PCDHA2: variants seen among roughly 807,000 people sequenced by gnomAD.
PCDHA2 encodes protocadherin alpha 2.
PCDHA2 carries 58 observed loss-of-function variants against 66.0 expected under a neutral mutation model. That is an observed-to-expected ratio of 0.88 (90% CI 0.71 to 1.09). PCDHA2 has a LOEUF of 1.09. Among genes scored for constraint, PCDHA2 ranks in the 50% least tolerant of loss-of-function variants. PCDHA2 has a pLI of 0.00. For synonymous variants in PCDHA2, 634 were observed against 554.0 expected, an observed-to-expected ratio of 1.14 and a Z score of -2.03; for missense variants, 1,267 against 1,242.3, an observed-to-expected ratio of 1.02 and a Z score of -0.30.
chr5:140,965,374 G>A (rs1554227648), intron 1 of PCDHA2, among the ~76,000 whole-genome samples: 1 of 152,098 alleles, frequency 6.6e-6, no homozygotes, highest in Admixed American at 6.6e-5. Flanking sequence ...AGGAAACTTG[G>A]GGACACAGAA....
At chr5:140,846,889 C>A (rs1378591011) in intron 1 of PCDHA2, among the ~76,000 whole-genome samples, 1 of 149,358 alleles carries the variant, frequency 6.7e-6, no homozygotes. Flanking sequence ...ATCAGAATGA[C>A]GTTGAAGTTG....
At chr5:140,888,749 AC>A (rs1218374821) in intron 1 of PCDHA2, among the ~76,000 whole-genome samples, 1 of 151,232 alleles carries the variant, frequency 6.6e-6, no homozygotes, top group African/African-American at 2.4e-5. Context: ...GAATTATTCT[AC>A]CCACTTTTTT....
chr5:140,806,497 A>T (rs1554123626), intron 1 of PCDHA2, among the ~76,000 whole-genome samples: 1 of 152,192 alleles, frequency 6.6e-6, no homozygotes, highest in Non-Finnish European at 1.5e-5. Context: ...ACATGACTCA[A>T]GGAAGACATC....
At chr5:140,869,521 C>G (rs782236624) in intron 1 of PCDHA2, 1 of 1,614,182 alleles carries the variant, frequency 6.2e-7, no homozygotes, top group Non-Finnish European at 8.5e-7. Context: ...AGAACAAAAG[C>G]TGCTGATTGC....
intron 1 of PCDHA2, among the ~76,000 whole-genome samples, chr5:140,916,270 G>A (rs1487301756): frequency 1.3e-5 from 2 of 152,180 alleles, no homozygotes; most frequent in Admixed American, 1.3e-4. Flanking sequence ...GAGCATGCTT[G>A]TTGCTCTACT....
At chr5:140,954,577 A>T (rs1426426958) in intron 1 of PCDHA2, among the ~76,000 whole-genome samples, 2 of 151,954 alleles carry the variant, frequency 1.3e-5, no homozygotes, top group Non-Finnish European at 1.5e-5. Flanking sequence ...TTCTTTTCAG[A>T]AGTGTCTGTT....
At chr5:140,803,772 T>A in intron 1 of PCDHA2, 1 of 1,050,610 alleles carries the variant, frequency 9.5e-7, no homozygotes, top group Non-Finnish European at 1.3e-6. Flanking sequence ...TTGAACCAAA[T>A]CAGCAGTAAG....
In PCDHA2 at chr5:140,938,408, G is replaced by A. The variant is rs115039361; in HGVS notation, c.2389-40541G>A. Among the ~76,000 whole-genome samples, 826 of 151,992 alleles carry A rather than the reference G, an allele frequency of 5.4e-3. 3 individuals are homozygous for A. The highest frequency in any genetic ancestry group is 0.019 in the African/African-American group (797 of 41,474). ...TAATATGAAATACATTGTTTGATTG[G>A]GTTTATTTGCAAAAATCCTTTATCA... On this transcript the variant is annotated intron_variant, in intron 1 of 3. Coordinates refer to ENST00000526136, the MANE Select transcript of PCDHA2 (RefSeq NM_018905.3).
intron 1 of PCDHA2, chr5:140,841,104 A>C (rs1554138000): frequency 1.7e-6 from 1 of 585,830 alleles, no homozygotes; most frequent in African/African-American, 1.9e-5. Flanking sequence ...GATATTGCGG[A>C]AGTAATTCAT....
chr5:140,858,041 C>A (rs1446194845), intron 1 of PCDHA2: 1 of 1,596,846 alleles, frequency 6.3e-7, no homozygotes, highest in East Asian at 2.2e-5. Context: ...GGCCACTGTG[C>A]TTGTGTCGCT....
At chr5:140,993,462 TCACACACACACACACACACACA>T (rs3836747) in intron 3 of PCDHA2, among the ~76,000 whole-genome samples, 6 of 141,044 alleles carry the variant, frequency 4.3e-5, no homozygotes, top group East Asian at 4.2e-4. Context: ...TCTTTCTTTC[TCACACACACACACACACACACA>T]CACACACACA....
intron 1 of PCDHA2, chr5:140,877,083 G>T: frequency 6.2e-7 from 1 of 1,613,166 alleles, no homozygotes; most frequent in Non-Finnish European, 8.5e-7. Context: ...AGGTGAGCGC[G>T]CGCGACGCCG....
chr5:140,929,679 G>T lies in PCDHA2; in HGVS notation c.2389-49270G>T, dbSNP rs142104946. ...ATTTAAAGTGAAGAATGAAAAATAT[G>T]TAAGAGTCTGCTTTATATGAATATA... On this transcript the variant is annotated intron_variant, in intron 1 of 3. Coordinates refer to ENST00000526136, the MANE Select transcript of PCDHA2 (RefSeq NM_018905.3). 2.7e-3 allele frequency: 822 copies of T among 303,170 alleles called. 4 individuals are homozygous for T. Among genetic ancestry groups the T allele is most frequent in the African/African-American group, 0.017 (768 of 46,460 alleles). The allele number at this position is 303,170 out of a possible 1,614,324, so 18.8% of individuals were successfully genotyped here. A position where few individuals can be genotyped will look rare whatever the true frequency, so the allele number is the denominator to read the frequency against.
intron 3 of PCDHA2, among the ~76,000 whole-genome samples, chr5:141,008,075 G>A (rs1002549445): frequency 2.0e-5 from 3 of 152,004 alleles, no homozygotes; most frequent in Non-Finnish European, 1.5e-5. Flanking sequence ...GAACTTATTG[G>A]GGTTATTCTA....
intron 1 of PCDHA2, among the ~76,000 whole-genome samples, chr5:140,840,138 T>C (rs1477164844): frequency 2.6e-5 from 4 of 151,960 alleles, no homozygotes; most frequent in Non-Finnish European, 4.4e-5. Flanking sequence ...GGACAGAAAT[T>C]ATCACACGTG....
intron 1 of PCDHA2, chr5:140,811,985 T>A (rs1765002946): frequency 7.4e-6 from 1 of 134,400 alleles, no homozygotes; most frequent in East Asian, 2.1e-4. Context: ...CTTTTGAAGA[T>A]TTATTTTTTA....
chr5:140,871,522 A>G (rs1554165699), intron 1 of PCDHA2: 1 of 1,549,186 alleles, frequency 6.5e-7, no homozygotes, highest in Non-Finnish European at 8.7e-7. Context: ...TCCACCTATC[A>G]GGAAGTGTAT....
intron 1 of PCDHA2, among the ~76,000 whole-genome samples, chr5:140,914,765 T>A (rs2076829694): frequency 6.6e-6 from 1 of 152,080 alleles, no homozygotes. Flanking sequence ...TTACATGAGG[T>A]TTATGACTTA....
chr5:140,871,445 A>C, intron 1 of PCDHA2: 1 of 1,609,986 alleles, frequency 6.2e-7, no homozygotes, highest in Non-Finnish European at 8.5e-7. Flanking sequence ...GGTCTGAATA[A>C]AGAGGAGGAA....
Sources: gnomAD v4.1 joint callset for allele counts (sites outside exome capture counted in the v4.1 genomes callset) on GRCh38, gnomAD v4.1.1 for gene constraint, MANE v1.5 for transcripts, NCBI Gene and HGNC (gene_info 2026-07-23, HGNC 2026-07-21) for gene names.